MB21D2: variants seen among roughly 807,000 people sequenced by gnomAD.
The protein encoded by MB21D2 is nucleotidyltransferase MB21D2.
In MB21D2, 9 loss-of-function variants were observed where a neutral mutation model predicts 33.3. The ratio of observed to expected loss-of-function variants is 0.27; its 90% CI spans 0.16 to 0.47. MB21D2 has a LOEUF of 0.47. Ranked by LOEUF, MB21D2 falls within the 20% of genes least tolerant of loss-of-function variation. MB21D2 has a pLI of 0.99. For missense variants in MB21D2, 540 were observed against 624.6 expected, an observed-to-expected ratio of 0.86 and a Z score of 1.44; for synonymous variants, 241 against 236.3, an observed-to-expected ratio of 1.02 and a Z score of -0.18.
intron 1 of MB21D2, among the ~76,000 whole-genome samples, chr3:192,810,904 C>G (rs532376719): frequency 6.6e-6 from 1 of 152,192 alleles, no homozygotes; most frequent in Admixed American, 6.5e-5. Flanking sequence ...TGTGTGCGCA[C>G]GCACATGTGC....
At chr3:192,812,799 T>C (rs141803446) in intron 1 of MB21D2, among the ~76,000 whole-genome samples, 1 of 152,318 alleles carries the variant, frequency 6.6e-6, no homozygotes, top group East Asian at 1.9e-4. Context: ...ACTATATAAC[T>C]ATAGTGTGAT....
intron 1 of MB21D2, among the ~76,000 whole-genome samples, chr3:192,819,335 C>T (rs1488900042): frequency 6.6e-6 from 1 of 152,196 alleles, no homozygotes; most frequent in Non-Finnish European, 1.5e-5. Context: ...CACAGGGTTG[C>T]CTGAATCCAA....
At chr3:192,836,869 C>T (rs916807275) in intron 1 of MB21D2, among the ~76,000 whole-genome samples, 38 of 152,158 alleles carry the variant, frequency 2.5e-4, no homozygotes, top group South Asian at 2.1e-4. Flanking sequence ...CAAGGTCACA[C>T]AGTTACTTAG....
Position 192,799,252 on chromosome 3 carries a change from G to A in MB21D2, c.610C>T (p.Gln204Ter), listed in dbSNP as rs772951428. ...TTTTCTACCTTTGGCATCCCTCGCT[G>A]GGGTTTCTTCTGTATTTCTGATAGG... ...IVLSEIQKKP[Q>*]RGMPKVEKVE... The change falls in exon 2 of 2, where the codon CAG becomes TAG. Residue 204 changes from glutamine (Q) to a stop codon, truncating the protein, a stop_gained. Transcript: ENST00000392452. LOFTEE classifies it high-confidence loss of function. The surrounding 1 kb of genome is among the most constrained non-coding windows in gnomAD (Gnocchi z 4.1). The A allele has an allele frequency of 6.2e-7, 1 of 1,614,232 alleles. No individual in the cohort carries two copies. Among genetic ancestry groups the A allele is most frequent in the Non-Finnish European group, 8.5e-7 (1 of 1,180,044 alleles).
At chr3:192,907,326 C>G (rs889617535) in intron 1 of MB21D2, among the ~76,000 whole-genome samples, 27 of 152,158 alleles carry the variant, frequency 1.8e-4, no homozygotes, top group Non-Finnish European at 4.0e-4. Context: ...AGATTCACCC[C>G]CTATATACCC....
At chr3:192,825,915 T>C (rs1202369973) in intron 1 of MB21D2, among the ~76,000 whole-genome samples, 1 of 152,252 alleles carries the variant, frequency 6.6e-6, no homozygotes, top group Non-Finnish European at 1.5e-5. Context: ...GGTTCAGTAA[T>C]TGCATTGTTT....
chr3:192,834,809 CTTT>C (rs71177378), intron 1 of MB21D2, among the ~76,000 whole-genome samples: 5 of 119,826 alleles, frequency 4.2e-5, no homozygotes, highest in South Asian at 2.7e-4. Context: ...GAGGATTGTT[CTTT>C]TTTTTTTTTT....
chr3:192,914,501 T>C (rs1714420930), intron 1 of MB21D2, among the ~76,000 whole-genome samples: 1 of 152,160 alleles, frequency 6.6e-6, no homozygotes, highest in Non-Finnish European at 1.5e-5. Flanking sequence ...GGCAGAGACA[T>C]TATGCTAATA....
At chr3:192,845,057 G>A (rs77076214) in intron 1 of MB21D2, among the ~76,000 whole-genome samples, 3,837 of 152,244 alleles carry the variant, frequency 0.025, 63 homozygotes, top group Non-Finnish European at 0.04. Context: ...TATAGATTTG[G>A]CTGCTAAGTA....
intron 1 of MB21D2, among the ~76,000 whole-genome samples, chr3:192,862,002 C>A (rs532668373): frequency 2.6e-5 from 4 of 152,278 alleles, no homozygotes; most frequent in Admixed American, 2.6e-4. Context: ...GGTCTTGTGG[C>A]CAAAATGCTC....
intron 1 of MB21D2, among the ~76,000 whole-genome samples, chr3:192,880,261 C>A (rs577843322): frequency 6.6e-6 from 1 of 151,418 alleles, no homozygotes; most frequent in East Asian, 1.9e-4. Flanking sequence ...GCAGGAGAAT[C>A]GCTTGAACCC....
intron 1 of MB21D2, among the ~76,000 whole-genome samples, chr3:192,865,741 A>T (rs1713153722): frequency 6.6e-6 from 1 of 151,822 alleles, no homozygotes; most frequent in Non-Finnish European, 1.5e-5. Flanking sequence ...TGTTCAACAT[A>T]TGATTGTCTT....
chr3:192,842,092 G>A (rs368320639), intron 1 of MB21D2, among the ~76,000 whole-genome samples: 4 of 152,032 alleles, frequency 2.6e-5, no homozygotes, highest in East Asian at 1.9e-4. Context: ...CACTCGGGGG[G>A]CATATAAAAG....
At chr3:192,839,194 A>T (rs1045740372) in intron 1 of MB21D2, among the ~76,000 whole-genome samples, 1 of 152,220 alleles carries the variant, frequency 6.6e-6, no homozygotes, top group African/African-American at 2.4e-5. Flanking sequence ...AATTACTAGC[A>T]TGCTTATAAG....
chr3:192,870,699 G>GAAAAAAAAAAAAA lies in MB21D2; in HGVS notation c.211+46918_211+46930dup, dbSNP rs57320648. On this transcript the variant is annotated intron_variant, in intron 1 of 1. Coordinates refer to ENST00000392452, the MANE Select transcript of MB21D2 (RefSeq NM_178496.4). ...GCACTCCAGCCTGGGCGACTCCGTT[G>GAAAAAAAAAAAAA]AAAAAAAAAAAAAAAAAAAAGGAAG... 9.1e-4 allele frequency among the ~76,000 whole-genome samples: 38 copies of GAAAAAAAAAAAAA among 41,658 alleles called. 3 individuals are homozygous for GAAAAAAAAAAAAA. Among genetic ancestry groups the GAAAAAAAAAAAAA allele is most frequent in the Admixed American group, 2.1e-3 (6 of 2,854 alleles). The allele number at this position is 41,658 out of a possible 152,430, so 27.3% of individuals were successfully genotyped here.
chr3:192,825,068 A>T (rs902739324), intron 1 of MB21D2, among the ~76,000 whole-genome samples: 1 of 152,192 alleles, frequency 6.6e-6, no homozygotes, highest in Non-Finnish European at 1.5e-5. Context: ...GAATAGCCCC[A>T]ATATATTCTA....
chr3:192,834,412 C>T (rs1469695691), intron 1 of MB21D2, among the ~76,000 whole-genome samples: 1 of 120,168 alleles, frequency 8.3e-6, no homozygotes, highest in African/African-American at 3.9e-5. Flanking sequence ...TAATTTTCCC[C>T]AGTTATATCA....
intron 1 of MB21D2, among the ~76,000 whole-genome samples, chr3:192,869,462 C>T (rs1713244007): frequency 6.6e-6 from 1 of 152,100 alleles, no homozygotes; most frequent in Non-Finnish European, 1.5e-5. Context: ...AAAGCTGGCT[C>T]CAGCCGAGGC....
chr3:192,828,661 T>C (rs1464628960), intron 1 of MB21D2, among the ~76,000 whole-genome samples: 1 of 75,478 alleles, frequency 1.3e-5, no homozygotes, highest in Non-Finnish European at 2.4e-5. Context: ...TATATATATA[T>C]ATTTTGAGAC....
Sources: gnomAD v4.1 joint callset for allele counts (sites outside exome capture counted in the v4.1 genomes callset) on GRCh38, gnomAD v4.1.1 for gene constraint, Gnocchi (gnomAD v3.1) non-coding constraint, MANE v1.5 for transcripts, NCBI Gene and HGNC (gene_info 2026-07-23, HGNC 2026-07-21) for gene names.